Variants in SCAND3 observed in about 807,000 individuals in gnomAD.
The protein encoded by SCAND3 is SCAN domain-containing protein 3.
chr6:28,612,743 T>C, the SCAND3 span, among the ~76,000 whole-genome samples: 475 of 152,332 alleles, frequency 3.1e-3, 16 homozygotes, highest in East Asian at 0.085. Context: ...ACTATATACA[T>C]AGTAGTGTTG....
chr6:28,615,551 T>C, the SCAND3 span, among the ~76,000 whole-genome samples: 2 of 144,862 alleles, frequency 1.4e-5, no homozygotes, highest in Non-Finnish European at 3.0e-5. Flanking sequence ...AAGTGAGCCA[T>C]GATCGCGCCA....
At chr6:28,607,125 G>T in the SCAND3 span, among the ~76,000 whole-genome samples, 3 of 152,226 alleles carry the variant, frequency 2.0e-5, no homozygotes, top group Non-Finnish European at 4.4e-5. Context: ...TATAAATCAT[G>T]AAAGAAATGC....
the SCAND3 span, chr6:28,589,482 T>G: frequency 6.6e-6 from 1 of 152,230 alleles, no homozygotes; most frequent in Non-Finnish European, 1.5e-5. Flanking sequence ...GTTCCTGGCT[T>G]GGCCTCTGAA....
At chr6:28,581,638 T>C in the SCAND3 span, among the ~76,000 whole-genome samples, 1 of 152,160 alleles carries the variant, frequency 6.6e-6, no homozygotes, top group Non-Finnish European at 1.5e-5. Flanking sequence ...GGTCAGAAGA[T>C]GGCCAGATAT....
chr6:28,575,033 C>T, the SCAND3 span: 1 of 1,614,110 alleles, frequency 6.2e-7, no homozygotes, highest in Non-Finnish European at 8.5e-7. The surrounding 1 kb of genome is among the most constrained non-coding windows in gnomAD (Gnocchi z 4.2). Context: ...AAAGTATTTT[C>T]TAACTCTTTG....
At chr6:28,576,724 T>C in the SCAND3 span, among the ~76,000 whole-genome samples, 25 of 151,716 alleles carry the variant, frequency 1.6e-4, no homozygotes, top group Non-Finnish European at 7.4e-5. Context: ...TTATGTAAAA[T>C]AGGATGCAAA....
chr6:28,594,584 G>A, the SCAND3 span, among the ~76,000 whole-genome samples: 1 of 152,244 alleles, frequency 6.6e-6, no homozygotes, highest in Non-Finnish European at 1.5e-5. Flanking sequence ...GAACCTGGGA[G>A]GTGGACGTTG....
At chr6:28,572,236 TTTAAG>T in the SCAND3 span, 8 of 1,613,696 alleles carry the variant, frequency 5.0e-6, no homozygotes, top group East Asian at 4.5e-5. The surrounding 1 kb of genome is among the most constrained non-coding windows in gnomAD (Gnocchi z 4.1). Flanking sequence ...TACAGTTAAA[TTTAAG>T]TTATCTTTTG....
At chr6:28,577,398 A>G in the SCAND3 span, among the ~76,000 whole-genome samples, 1 of 152,136 alleles carries the variant, frequency 6.6e-6, no homozygotes, top group Non-Finnish European at 1.5e-5. Flanking sequence ...CAGAGCAGGG[A>G]CCCCTCTTAG....
At chr6:28,605,109 T>C in the SCAND3 span, among the ~76,000 whole-genome samples, 1 of 152,194 alleles carries the variant, frequency 6.6e-6, no homozygotes, top group Non-Finnish European at 1.5e-5. Context: ...TCGATTGGTA[T>C]CTGACTTCAG....
At chr6:28,576,205 G>C in the SCAND3 span, 1 of 1,227,480 alleles carries the variant, frequency 8.1e-7, no homozygotes, top group Admixed American at 2.6e-5. Context: ...TATTGCCAAA[G>C]GAGCCAGTAG....
the SCAND3 span, among the ~76,000 whole-genome samples, chr6:28,599,055 A>G: frequency 6.6e-6 from 1 of 152,130 alleles, no homozygotes; most frequent in Non-Finnish European, 1.5e-5. Flanking sequence ...AGAAAGAAAC[A>G]GAAGAGAAAA....
At chr6:28,577,315 T>C in the SCAND3 span, among the ~76,000 whole-genome samples, 1 of 152,234 alleles carries the variant, frequency 6.6e-6, no homozygotes, top group African/African-American at 2.4e-5. Flanking sequence ...GATAGTTTTA[T>C]AGTTGCTTGG....
chr6:28,571,426 A>T, the SCAND3 span: 1 of 153,690 alleles, frequency 6.5e-6, no homozygotes, highest in Non-Finnish European at 1.4e-5. Flanking sequence ...AACAAACAAC[A>T]TCAACTTCCA....
the SCAND3 span, among the ~76,000 whole-genome samples, chr6:28,577,253 C>T: frequency 9.2e-5 from 14 of 152,176 alleles, no homozygotes; most frequent in East Asian, 3.9e-4. Flanking sequence ...AGGAAAAAAA[C>T]TATTTTGGAA....
At chr6:28,572,459 T>C in the SCAND3 span, 2 of 1,612,770 alleles carry the variant, frequency 1.2e-6, no homozygotes, top group Admixed American at 1.7e-5. The surrounding 1 kb of genome is among the most constrained non-coding windows in gnomAD (Gnocchi z 4.1). Flanking sequence ...ATTCTGTTTT[T>C]CCAAGCTTCT....
the SCAND3 span, among the ~76,000 whole-genome samples, chr6:28,588,476 A>T: frequency 3.3e-5 from 5 of 152,184 alleles, no homozygotes; most frequent in Non-Finnish European, 5.9e-5. The surrounding 1 kb of genome is among the most constrained non-coding windows in gnomAD (Gnocchi z 4.1). Context: ...AGACACTTAT[A>T]AAAAAAGTCA....
chr6:28,586,501 G>A, the SCAND3 span: 1 of 1,614,280 alleles, frequency 6.2e-7, no homozygotes, highest in Non-Finnish European at 8.5e-7. This position sits in a 1 kb window ranked among gnomAD's most constrained non-coding sequence, Gnocchi z 4.4. Context: ...AGTTCCCGCA[G>A]TTGACTCAGA....
At chr6:28,575,410 C>A in the SCAND3 span, 1 of 1,613,990 alleles carries the variant, frequency 6.2e-7, no homozygotes, top group Non-Finnish European at 8.5e-7. This position sits in a 1 kb window ranked among gnomAD's most constrained non-coding sequence, Gnocchi z 4.2. Context: ...TTGTAGGACA[C>A]TGGGTGCTCC....
Sources: allele counts gnomAD v4.1 joint callset (sites outside exome capture counted in the v4.1 genomes callset), GRCh38; gene constraint gnomAD v4.1.1; non-coding constraint Gnocchi (gnomAD v3.1); transcripts MANE v1.5; gene names NCBI Gene and HGNC (gene_info 2026-07-23, HGNC 2026-07-21).